The following GNG7 variants were observed in gnomAD, a reference collection of about 807,000 sequenced individuals.
GNG7 encodes the protein guanine nucleotide-binding protein G(I)/G(S)/G(O) subunit gamma-7.
GNG7 carries 1 observed loss-of-function variant against 4.0 expected under a neutral mutation model. That is an observed-to-expected ratio of 0.25 (90% CI 0.09 to 1.18). GNG7 has a LOEUF of 1.18. Ranked by LOEUF, GNG7 falls within the 50% of genes most tolerant of loss-of-function variation. The probability of loss-of-function intolerance (pLI) is 0.50; values close to 1 mark genes in which losing one functional copy is unlikely to be tolerated. For missense variants in GNG7, 86 were observed against 91.9 expected (o/e 0.94, Z 0.26); for synonymous variants, 34 against 36.9 (o/e 0.92, Z 0.29).
At chr19:2,553,697 G>GTAATATGTTATATTACACACATGTA (rs1979432198) in intron 3 of GNG7, among the ~76,000 whole-genome samples, 1 of 145,250 alleles carries the variant, frequency 6.9e-6, no homozygotes, top group Non-Finnish European at 1.5e-5. Context: ...ACACACATGT[G>GTAATATGTTATATTACACACATGTA]CACATTACAT....
In GNG7 at chr19:2,514,173, G is replaced by A. The variant is rs1686075932; in HGVS notation, c.*849C>T. On this transcript the variant is annotated 3_prime_UTR_variant, in exon 5 of 5. Transcript: ENST00000382159. ...AATCATGCAGCTGCACTCCAGCCTG[G>A]GTAACAAGAATGAAACTCCATCTCA... 6.6e-6 allele frequency: 1 copy of A among 151,738 alleles called. No individual in the cohort carries two copies. The allele number at this position is 151,738 out of a possible 1,614,324, so 9.4% of individuals were successfully genotyped here.
chr19:2,675,366 AG>A (rs753045138), intron 1 of GNG7, among the ~76,000 whole-genome samples: 7 of 152,248 alleles, frequency 4.6e-5, no homozygotes, highest in Non-Finnish European at 1.0e-4. Flanking sequence ...AGGGGACACC[AG>A]GAAGGGACAG....
At chr19:2,639,769 A>G (rs1016434573) in intron 2 of GNG7, among the ~76,000 whole-genome samples, 2 of 1,172 alleles carry the variant, frequency 1.7e-3, no homozygotes, top group African/African-American at 5.1e-3. Context: ...GGAGGGGGGA[A>G]GGGGGAAGAA....
intron 2 of GNG7, among the ~76,000 whole-genome samples, chr19:2,592,037 G>T (rs1272321191): frequency 3.9e-5 from 6 of 152,206 alleles, no homozygotes; most frequent in African/African-American, 1.4e-4. Context: ...ATGATTAACA[G>T]AATTGTAAAT....
chr19:2,608,427 A>G lies in GNG7; in HGVS notation c.-78+37797T>C, dbSNP rs1461761019. On this transcript the variant is annotated intron_variant, in intron 2 of 4. Transcript: ENST00000382159. ...GATCGTCTCTGGAGGTGGGCGCCCCAGCAGGCACACTGACGGCCTCGGTGC... is the reference window on the plus strand; with the variant it reads ...GATCGTCTCTGGAGGTGGGCGCCCCGGCAGGCACACTGACGGCCTCGGTGC... Among the ~76,000 whole-genome samples the G allele has an allele frequency of 2.6e-5, 4 of 152,092 alleles. No homozygotes were observed. In the East Asian group the frequency reaches 7.7e-4, roughly 29 times the overall value.
intron 1 of GNG7, among the ~76,000 whole-genome samples, chr19:2,682,321 C>A (rs991487866): frequency 6.6e-6 from 1 of 152,064 alleles, no homozygotes; most frequent in Non-Finnish European, 1.5e-5. Flanking sequence ...GGTTCCATCA[C>A]GGAGATGAAA....
chr19:2,667,702 G>T (rs1160177846), intron 1 of GNG7, among the ~76,000 whole-genome samples: 1 of 152,118 alleles, frequency 6.6e-6, no homozygotes, highest in African/African-American at 2.4e-5. Context: ...ATCAGCTGAG[G>T]TCAGGAGTTC....
intron 2 of GNG7, among the ~76,000 whole-genome samples, chr19:2,628,947 G>A (rs60177277): frequency 0.039 from 5,951 of 152,298 alleles, 137 homozygotes; most frequent in Middle Eastern, 0.085. Context: ...CCATCCTCAA[G>A]TGCAGGGGAT....
At chr19:2,670,151 G>A (rs11880501) in intron 1 of GNG7, among the ~76,000 whole-genome samples, 3,054 of 152,126 alleles carry the variant, frequency 0.02, 98 homozygotes, top group African/African-American at 0.07. Flanking sequence ...TGAGTGCTCC[G>A]TTAATATTTT....
At chr19:2,578,247 C>T (rs1046803762) in intron 2 of GNG7, among the ~76,000 whole-genome samples, 1 of 152,064 alleles carries the variant, frequency 6.6e-6, no homozygotes, top group Non-Finnish European at 1.5e-5. Flanking sequence ...ACACAGGTAG[C>T]GTAGGCAGAG....
intron 3 of GNG7, among the ~76,000 whole-genome samples, chr19:2,532,113 T>C (rs1289442382): frequency 6.8e-6 from 1 of 147,700 alleles, no homozygotes; most frequent in African/African-American, 2.5e-5. Flanking sequence ...ATCACGCCAC[T>C]GCACTGCAGC....
At chr19:2,529,147 C>T (rs888876773) in intron 3 of GNG7, among the ~76,000 whole-genome samples, 6 of 152,178 alleles carry the variant, frequency 3.9e-5, no homozygotes, top group Non-Finnish European at 7.3e-5. Context: ...CAGCATGGAT[C>T]GGATTCGGGA....
intron 1 of GNG7, among the ~76,000 whole-genome samples, chr19:2,661,347 A>AGAAG (rs1983171253): frequency 4.0e-5 from 6 of 148,316 alleles, no homozygotes; most frequent in African/African-American, 1.3e-4. Flanking sequence ...AAAGAAAGAA[A>AGAAG]GAAAGAAAGA....
chr19:2,638,501 AAT>A (rs1982389305), intron 2 of GNG7, among the ~76,000 whole-genome samples: 3 of 8,842 alleles, frequency 3.4e-4, no homozygotes, highest in African/African-American at 3.1e-4. Flanking sequence ...AGGGGAGGGG[AAT>A]GGAAGGGGAG....
chr19:2,593,346 A>T (rs1980908383), intron 2 of GNG7, among the ~76,000 whole-genome samples: 1 of 152,168 alleles, frequency 6.6e-6, no homozygotes, highest in Non-Finnish European at 1.5e-5. Context: ...TTTGTGCTTT[A>T]TATTTTCAAA....
intron 2 of GNG7, among the ~76,000 whole-genome samples, chr19:2,573,836 C>T (rs1393641428): frequency 6.6e-6 from 1 of 152,120 alleles, no homozygotes; most frequent in African/African-American, 2.4e-5. Context: ...GAGCAAGACT[C>T]CATCTTAAAA....
At chr19:2,689,495 C>T (rs191606822) in intron 1 of GNG7, among the ~76,000 whole-genome samples, 73 of 151,114 alleles carry the variant, frequency 4.8e-4, no homozygotes, top group African/African-American at 1.5e-3. Flanking sequence ...TGGTGGTGGA[C>T]GCCTGTAATC....
chr19:2,574,688 T>C (rs1980253902), intron 2 of GNG7, among the ~76,000 whole-genome samples: 1 of 152,200 alleles, frequency 6.6e-6, no homozygotes, highest in African/African-American at 2.4e-5. Flanking sequence ...TGCACTTGTG[T>C]GTGCAAACAC....
chr19:2,563,691 A>C (rs1299514209), intron 2 of GNG7, among the ~76,000 whole-genome samples: 1 of 152,040 alleles, frequency 6.6e-6, no homozygotes, highest in Non-Finnish European at 1.5e-5. Flanking sequence ...CATGTTGCCC[A>C]GGCTGGTCTT....
Sources: allele counts gnomAD v4.1 joint callset (sites outside exome capture counted in the v4.1 genomes callset), GRCh38; gene constraint gnomAD v4.1.1; transcripts MANE v1.5; gene names NCBI Gene and HGNC (gene_info 2026-07-23, HGNC 2026-07-21).